C14orf93: variants seen among roughly 807,000 people sequenced by gnomAD.
C14orf93 encodes the protein chromosome 14 open reading frame 93.
Under a neutral mutation model 44.0 loss-of-function variants are expected in C14orf93, and 23 were observed. The observed-to-expected ratio is 0.52, with a 90% CI of 0.38 to 0.74. C14orf93 has a LOEUF of 0.74. C14orf93 is among the 30% of genes least tolerant of loss of function. The probability of loss-of-function intolerance (pLI) is 0.00; values close to 1 mark genes in which losing one functional copy is unlikely to be tolerated. For missense variants in C14orf93, 579 were observed against 678.9 expected, an observed-to-expected ratio of 0.85 and a Z score of 1.64; for synonymous variants, 253 against 265.7, an observed-to-expected ratio of 0.95 and a Z score of 0.46.
rs531169525 is a variant in C14orf93 at position 22,999,245 on chromosome 14, A to G, written c.-222T>C. 8 of 574,766 alleles carry G rather than the reference A, an allele frequency of 1.4e-5. No homozygotes were observed. Among genetic ancestry groups the G allele is most frequent in the Middle Eastern group, 4.8e-4 (1 of 2,096 alleles). The allele number at this position is 574,766 out of a possible 1,614,324, so 35.6% of individuals were successfully genotyped here. On this transcript the variant is annotated 5_prime_UTR_variant, in exon 2 of 7. The change abolishes the stop of an existing upstream ORF in the 5' untranslated region. Transcript: ENST00000299088. ...TGCAGAAGGGAGACAGGTGCCTTCTATTTGCAGATCCTGTGCTCTCCTAGC... is the reference window on the plus strand; with the variant it reads ...TGCAGAAGGGAGACAGGTGCCTTCTGTTTGCAGATCCTGTGCTCTCCTAGC...
At chr14:22,989,282 G>A (rs746680701) in intron 5 of C14orf93, among the ~76,000 whole-genome samples, 3 of 152,162 alleles carry the variant, frequency 2.0e-5, no homozygotes, top group African/African-American at 4.8e-5. Flanking sequence ...GATGAGCCAC[G>A]TTACCTGGCT....
intron 2 of C14orf93, among the ~76,000 whole-genome samples, chr14:22,997,881 C>A (rs1222318430): frequency 6.6e-6 from 1 of 151,848 alleles, no homozygotes; most frequent in Non-Finnish European, 1.5e-5. Flanking sequence ...TTCTTCTGTG[C>A]TCCCTTTTTT....
At position 22,996,099 on chromosome 14, in the gene C14orf93, T is replaced by C; in HGVS notation, c.767A>G (p.Asn256Ser). The change falls in exon 3 of 7, where the codon AAT becomes AGT. Residue 256 changes from asparagine to serine, a missense_variant. By Grantham distance (46) the Asn-to-Ser change is conservative. Transcript: ENST00000299088. This position sits in a 1 kb window ranked among gnomAD's most constrained non-coding sequence, Gnocchi z 4.1. ...GGCACTGTCCAGCGCAGCAGCGGCA[T>C]TGAGCATGTCCTCAGGGCGGGGTGG... is the stretch of plus-strand genomic sequence containing the variant. ...LPPPRPEDML[N>S]AAAALDSALE... is the part of the protein sequence containing the mutation. 1.2e-5 allele frequency: 19 copies of C among 1,614,088 alleles called. No homozygotes were observed. The highest frequency in any genetic ancestry group is 1.5e-5 in the Non-Finnish European group (18 of 1,180,024).
At chr14:22,995,679 C>CAAAAAAAA (rs58710730) in intron 3 of C14orf93, among the ~76,000 whole-genome samples, 4 of 45,034 alleles carry the variant, frequency 8.9e-5, no homozygotes, top group Admixed American at 2.4e-4. Context: ...GACTCTGACT[C>CAAAAAAAA]AAAAAAAAAA....
At position 22,990,136 on chromosome 14, in the gene C14orf93, A is replaced by T; in HGVS notation, c.919-9T>A. ...ACATTGTGGACCAGTTTCTAGGAGG[A>T]AAAAAAGAAAACACAATCAAGCCAA... On this transcript the variant is annotated splice_polypyrimidine_tract_variant and intron_variant, in intron 3 of 6. Transcript: ENST00000299088. 6.2e-7 allele frequency: 1 copy of T among 1,608,462 alleles called. No homozygotes were observed. The highest frequency in any genetic ancestry group is 1.3e-5 in the African/African-American group (1 of 74,848).
chr14:23,003,564 G>A (rs957678809), intron 1 of C14orf93, among the ~76,000 whole-genome samples: 1 of 151,988 alleles, frequency 6.6e-6, no homozygotes, highest in Non-Finnish European at 1.5e-5. Context: ...TGAGGTGGGC[G>A]GGTCACCTGA....
At position 22,999,370 on chromosome 14, in the gene C14orf93, A is replaced by C; in HGVS notation, c.-347T>G. On this transcript the variant is annotated 5_prime_UTR_variant, in exon 2 of 7. Transcript: ENST00000299088. ...ACCCCCGACTAGTGCAACCTAAGGA[A>C]CAGGGAAGGGATTCAGAAGGACCTT... is the stretch of plus-strand genomic sequence containing the variant. 1 of 195,864 alleles carries C rather than the reference A, an allele frequency of 5.1e-6. No homozygotes were observed. Among genetic ancestry groups the C allele is most frequent in the African/African-American group, 2.3e-5 (1 of 43,082 alleles). The allele number at this position is 195,864 out of a possible 1,614,324, so 12.1% of individuals were successfully genotyped here. A position where few individuals can be genotyped will look rare whatever the true frequency, so the allele number is the denominator to read the frequency against.
At chr14:23,006,147 A>C (rs939493428) in intron 1 of C14orf93, 17 of 152,236 alleles carry the variant, frequency 1.1e-4, no homozygotes, top group African/African-American at 3.9e-4. Context: ...CTTCATTTTA[A>C]GAAATAAATA....
At position 22,987,501 on chromosome 14, in the gene C14orf93, G is replaced by A; in HGVS notation, c.1331C>T (p.Pro444Leu). Residue 444 changes from proline to leucine, a missense_variant, in exon 7 of 7, where the codon CCT becomes CTT. Physicochemically the swap from Pro to Leu is moderately conservative, Grantham distance 98. Transcript: ENST00000299088. This position sits in a 1 kb window ranked among gnomAD's most constrained non-coding sequence, Gnocchi z 5.6. ...GAGGCGCTGGGCCCGGAAACGGGGA[G>A]GGCGGGCCACCCACACACCTGGCTC... ...LNEPGVWVAR[P>L]PRFRAQRLTE... 1 of 1,614,258 alleles carries A rather than the reference G, an allele frequency of 6.2e-7. No homozygotes were observed. Among genetic ancestry groups the A allele is most frequent in the Non-Finnish European group, 8.5e-7 (1 of 1,180,046 alleles).
At chr14:23,007,118 A>C (rs527306374) in intron 1 of C14orf93, 2 of 152,238 alleles carry the variant, frequency 1.3e-5, no homozygotes, top group East Asian at 1.9e-4. Flanking sequence ...CGCGGGAGAC[A>C]GAACTATCCG....
intron 5 of C14orf93, among the ~76,000 whole-genome samples, chr14:22,988,522 A>ATTTTAT (rs2045382586): frequency 6.6e-6 from 1 of 151,980 alleles, no homozygotes; most frequent in African/African-American, 2.4e-5. Flanking sequence ...TTGTTATGAG[A>ATTTTAT]CAGGGTCTCG....
rs904210835 is a variant in C14orf93 at position 22,986,483 on chromosome 14, C to T, written c.*732G>A. 1 of 152,318 alleles carries T rather than the reference C, an allele frequency of 6.6e-6. No homozygotes were observed. Among genetic ancestry groups the T allele is most frequent in the African/African-American group, 2.4e-5 (1 of 41,454 alleles). The allele number at this position is 152,318 out of a possible 1,614,324, so 9.4% of individuals were successfully genotyped here. A position where few individuals can be genotyped will look rare whatever the true frequency, so the allele number is the denominator to read the frequency against. On this transcript the variant is annotated 3_prime_UTR_variant, in exon 7 of 7. Transcript: ENST00000299088. ...AATCCATCCAAAATGCACACCCCTTCCTCAAAATACAGCTTGGCTGACAGG... is the reference window on the plus strand; with the variant it reads ...AATCCATCCAAAATGCACACCCCTTTCTCAAAATACAGCTTGGCTGACAGG...
At chr14:23,003,643 C>CA (rs1229477414) in intron 1 of C14orf93, among the ~76,000 whole-genome samples, 2 of 150,618 alleles carry the variant, frequency 1.3e-5, no homozygotes, top group East Asian at 2.0e-4. Flanking sequence ...AAAAACAAAA[C>CA]AAAAAAAAGT....
rs2046160101 is a variant in C14orf93, at chr14:22,998,970, T to G, written c.54A>C (p.Arg18Ser). ...LFSPPSGSEARCCCCACKSET... is the reference protein window; with the variant it reads ...LFSPPSGSEASCCCCACKSET... ...CACTCTTACAGGCGCAGCAGCAGCA[T>G]CTGGCCTCGCTGCCACTGGGAGGGG... Residue 18 changes from arginine (R) to serine (S), a missense_variant, in exon 2 of 7, where the codon AGA becomes AGC. By Grantham distance (110) the Arg-to-Ser change is moderately radical. Transcript: ENST00000299088. 6.2e-7 allele frequency: 1 copy of G among 1,613,454 alleles called. No homozygotes were observed. The highest frequency in any genetic ancestry group is 1.3e-5 in the African/African-American group (1 of 74,902).
Position 22,987,578 on chromosome 14 carries a change from C to T in C14orf93, c.1254G>A (p.Leu418=), listed in dbSNP as rs750634661. The change falls in exon 7 of 7, where the codon CTG becomes CTA. Residue 418 remains leucine, a synonymous_variant. Coordinates refer to ENST00000299088, the MANE Select transcript of C14orf93 (RefSeq NM_021944.4). The surrounding 1 kb of genome is among the most constrained non-coding windows in gnomAD (Gnocchi z 5.6). ...MRHFGPEDQR[L]WNDVTEELMS... is the part of the protein sequence containing the mutation. Reference sequence around the variant, plus strand: ...TCAGTTCCTCTGTCACATCATTCCACAGACGTTGGTCCTCAGGTCCAAAAT... The same window carrying T: ...TCAGTTCCTCTGTCACATCATTCCATAGACGTTGGTCCTCAGGTCCAAAAT... The T allele has an allele frequency of 2.4e-5, 38 of 1,613,076 alleles. No homozygotes were observed. In the African/African-American group the frequency reaches 3.1e-4, roughly 13 times the overall value.
intron 1 of C14orf93, among the ~76,000 whole-genome samples, chr14:23,007,507 G>C (rs2046688374): frequency 6.6e-6 from 1 of 152,198 alleles, no homozygotes; most frequent in Non-Finnish European, 1.5e-5. Context: ...CATGTCACCT[G>C]CAAATTAGCA....
chr14:23,001,023 CA>C (rs1468598626), intron 1 of C14orf93: 1 of 152,172 alleles, frequency 6.6e-6, no homozygotes, highest in Non-Finnish European at 1.5e-5. Context: ...CTGGGAGGCA[CA>C]GCTAAACCTG....
intron 1 of C14orf93, chr14:23,006,456 A>G (rs1369534512): frequency 6.6e-6 from 1 of 152,230 alleles, no homozygotes; most frequent in Non-Finnish European, 1.5e-5. Flanking sequence ...TAATCTGAAA[A>G]TTCCACGTAT....
At position 22,987,902 on chromosome 14, in the gene C14orf93, C is replaced by G; in HGVS notation, c.1197+1G>C. ...CTTGAAAGAAAGGCCTAGAAACCTA[C>G]CCGATATCGGCGACTTCGAAGTTTC... is the stretch of plus-strand genomic sequence containing the variant. On this transcript the variant is annotated splice_donor_variant, in intron 6 of 6. Transcript: ENST00000299088. LOFTEE classifies it high-confidence loss of function. This position sits in a 1 kb window ranked among gnomAD's most constrained non-coding sequence, Gnocchi z 5.6. The G allele has an allele frequency of 6.2e-7, 1 of 1,608,984 alleles. No individual in the cohort carries two copies.
Sources: allele counts gnomAD v4.1 joint callset (sites outside exome capture counted in the v4.1 genomes callset), GRCh38; gene constraint gnomAD v4.1.1; non-coding constraint Gnocchi (gnomAD v3.1); transcripts MANE v1.5; gene names NCBI Gene and HGNC (gene_info 2026-07-23, HGNC 2026-07-21).